The following CCDC7 variants were observed in gnomAD, a reference collection of about 807,000 sequenced individuals.
CCDC7 encodes the protein coiled-coil domain containing 7, also known as coiled-coil domain-containing protein 7.
Under a neutral mutation model 196.9 loss-of-function variants are expected in CCDC7, and 183 were observed. The observed-to-expected ratio is 0.93, with a 90% confidence interval of 0.82 to 1.05. The LOEUF is 1.05. Among genes scored for constraint, CCDC7 ranks in the 50% least tolerant of loss-of-function variants. The probability of loss-of-function intolerance (pLI) is 0.00; values close to 1 mark genes in which losing one functional copy is unlikely to be tolerated. For synonymous variants in CCDC7, 525 were observed against 484.6 expected, an observed-to-expected ratio of 1.08 and a Z score of -1.10; for missense variants, 1,540 against 1,482.2, an observed-to-expected ratio of 1.04 and a Z score of -0.64.
At position 32,486,767 on chromosome 10, in the gene CCDC7, A is replaced by G. The variant is rs971055031; in HGVS notation, c.797-5155A>G. 2.6e-4 allele frequency among the ~76,000 whole-genome samples: 39 copies of G among 149,856 alleles called. 1 individual carries two copies. The highest frequency in any genetic ancestry group is 7.2e-4 in the African/African-American group (29 of 40,558). ...CACTTATGAAGCTTAGTTTGGCTGG[A>G]TATGAGATTCTGGGTTGAAAATTCT... On this transcript the variant is annotated intron_variant, in intron 8 of 41. Coordinates refer to ENST00000639629, the Ensembl canonical transcript of CCDC7.
intron 3 of CCDC7, among the ~76,000 whole-genome samples, chr10:32,458,333 A>G (rs549175387): frequency 2.0e-5 from 3 of 149,432 alleles, no homozygotes; most frequent in Admixed American, 6.6e-5. Context: ...TTTGTTGGCT[A>G]TAAATAAGTG....
intron 20 of CCDC7, among the ~76,000 whole-genome samples, chr10:32,653,373 C>A (rs916197377): frequency 2.6e-5 from 4 of 151,958 alleles, no homozygotes. Context: ...ACAGCCCCCA[C>A]CCCCTGATAC....
At chr10:32,620,594 T>C (rs962149684) in intron 18 of CCDC7, among the ~76,000 whole-genome samples, 2 of 152,154 alleles carry the variant, frequency 1.3e-5, no homozygotes, top group African/African-American at 4.8e-5. Flanking sequence ...TTAATCTTCC[T>C]ACATATTTTA....
chr10:32,691,537 A>T (rs1267475038), intron 23 of CCDC7, among the ~76,000 whole-genome samples: 3 of 152,228 alleles, frequency 2.0e-5, no homozygotes, highest in African/African-American at 7.2e-5. Context: ...TTGTGCCACA[A>T]ATTAATTGAC....
intron 20 of CCDC7, among the ~76,000 whole-genome samples, chr10:32,639,932 A>G (rs1590960786): frequency 2.6e-5 from 4 of 152,018 alleles, no homozygotes; most frequent in Non-Finnish European, 5.9e-5. Context: ...CTGTTGTTTT[A>G]CATTTGCTAA....
intron 20 of CCDC7, among the ~76,000 whole-genome samples, chr10:32,650,128 C>G (rs746328422): frequency 1.3e-5 from 2 of 152,144 alleles, no homozygotes; most frequent in Non-Finnish European, 2.9e-5. Flanking sequence ...TTGTTCTCAT[C>G]TGGGAGGACT....
intron 29 of CCDC7, among the ~76,000 whole-genome samples, chr10:32,800,382 T>C (rs550729934): frequency 6.6e-6 from 1 of 152,306 alleles, no homozygotes; most frequent in African/African-American, 2.4e-5. Context: ...CTACTAAGTA[T>C]GTCTGTCCCA....
intron 28 of CCDC7, among the ~76,000 whole-genome samples, chr10:32,730,802 A>C (rs1458748030): frequency 6.6e-6 from 1 of 151,988 alleles, no homozygotes. Context: ...TATTAGATGA[A>C]AATCTTTTGC....
chr10:32,594,853 TATTG>T (rs1161060477), intron 18 of CCDC7, among the ~76,000 whole-genome samples: 3 of 152,198 alleles, frequency 2.0e-5, no homozygotes, highest in African/African-American at 7.2e-5. Flanking sequence ...GGATTACGTT[TATTG>T]ATTTGTGTAT....
chr10:32,811,346 A>T (rs888383457), intron 30 of CCDC7, among the ~76,000 whole-genome samples: 2 of 152,094 alleles, frequency 1.3e-5, no homozygotes, highest in African/African-American at 4.8e-5. Flanking sequence ...ATTACAAAAG[A>T]TCATCAGAAA....
chr10:32,778,190 T>C (rs1042195144), intron 28 of CCDC7, among the ~76,000 whole-genome samples: 1 of 152,198 alleles, frequency 6.6e-6, no homozygotes, highest in African/African-American at 2.4e-5. Flanking sequence ...TTAGTTTAAC[T>C]AGATCCCATT....
At chr10:32,573,804 T>A (rs951820554) in intron 16 of CCDC7, among the ~76,000 whole-genome samples, 2 of 152,154 alleles carry the variant, frequency 1.3e-5, no homozygotes, top group Non-Finnish European at 2.9e-5. Flanking sequence ...TCAGTTTAGC[T>A]CTAATGAGGA....
chr10:32,741,634 G>A (rs1486583212), intron 28 of CCDC7, among the ~76,000 whole-genome samples: 3 of 152,156 alleles, frequency 2.0e-5, no homozygotes, highest in Admixed American at 6.5e-5. Flanking sequence ...TCAAACTCAT[G>A]TTGTTCAAGT....
chr10:32,543,517 G>A (rs2051868616), intron 12 of CCDC7, 132 bp downstream of exon 13: 2 of 951,490 alleles, frequency 2.1e-6, no homozygotes, highest in South Asian at 6.2e-5. Context: ...GCAAATACAT[G>A]TTTTTATAAG....
At position 32,717,437 on chromosome 10, in the gene CCDC7, C is replaced by T. The variant is rs186665006; in HGVS notation, c.2569+5707C>T. The stretch of plus-strand genomic sequence containing the variant: ...GCCCACATGAGAAAGTGGGAAAGAC[C>T]TAAAATCCGTACCCTAACATCACAA... On this transcript the variant is annotated intron_variant, in intron 25 of 41. Coordinates refer to ENST00000639629, the Ensembl canonical transcript of CCDC7. Among the ~76,000 whole-genome samples the T allele has an allele frequency of 3.6e-3, 553 of 152,184 alleles. 5 individuals carry two copies. The highest frequency in any genetic ancestry group is 5.9e-3 in the Admixed American group (91 of 15,306).
At chr10:32,732,889 C>G (rs985364682) in intron 28 of CCDC7, among the ~76,000 whole-genome samples, 1 of 151,958 alleles carries the variant, frequency 6.6e-6, no homozygotes, top group Non-Finnish European at 1.5e-5. Flanking sequence ...TACTTTCAAC[C>G]TTTTTGTATT....
At chr10:32,615,513 CT>C (rs2062682485) in intron 18 of CCDC7, among the ~76,000 whole-genome samples, 1 of 151,836 alleles carries the variant, frequency 6.6e-6, no homozygotes, top group Non-Finnish European at 1.5e-5. Context: ...CCTTGCTCAC[CT>C]TTTAAATGTT....
chr10:32,748,064 A>G (rs903042835), intron 28 of CCDC7, among the ~76,000 whole-genome samples: 2 of 152,238 alleles, frequency 1.3e-5, no homozygotes, highest in Non-Finnish European at 2.9e-5. Context: ...CTTTGCAGCA[A>G]CATGGACAGA....
chr10:32,643,081 TGTTA>T (rs1443031970), intron 20 of CCDC7, among the ~76,000 whole-genome samples: 6 of 152,216 alleles, frequency 3.9e-5, no homozygotes, highest in East Asian at 1.9e-4. Flanking sequence ...TTTAATTTTT[TGTTA>T]GTTCTGACAT....
Sources: allele counts gnomAD v4.1 joint callset (sites outside exome capture counted in the v4.1 genomes callset), GRCh38; gene constraint gnomAD v4.1.1; transcripts MANE v1.5; gene names NCBI Gene and HGNC (gene_info 2026-07-23, HGNC 2026-07-21).